Variants in ADCY2 observed in about 807,000 individuals in gnomAD.
ADCY2 encodes adenylate cyclase 2.
Under a neutral mutation model 125.2 loss-of-function variants are expected in ADCY2, and 31 were observed. The ratio of observed to expected loss-of-function variants is 0.25; its 90% CI spans 0.19 to 0.33. The LOEUF (loss-of-function observed/expected upper bound fraction) is 0.33, where lower values mean the gene tolerates loss of function less well. Ranked by LOEUF, ADCY2 falls within the 10% of genes least tolerant of loss-of-function variation. The pLI, the probability that ADCY2 is intolerant of heterozygous loss-of-function variation, is 1.00. For missense variants in ADCY2, 904 were observed against 1,418.2 expected, an observed-to-expected ratio of 0.64 and a Z score of 5.82; for synonymous variants, 512 against 548.4, an observed-to-expected ratio of 0.93 and a Z score of 0.93.
intron 14 of ADCY2, among the ~76,000 whole-genome samples, chr5:7,736,746 T>C (rs556894500): frequency 3.2e-4 from 48 of 152,302 alleles, no homozygotes; most frequent in African/African-American, 8.4e-4. Flanking sequence ...TTGAAATGCA[T>C]TTTAGGAAAC....
At position 7,737,583 on chromosome 5, in the gene ADCY2, A is replaced by T. The variant is rs568115124; in HGVS notation, c.1872-6085A>T. The stretch of plus-strand genomic sequence containing the variant: ...ATTTGACAAAGAGTCTGTGAAATGA[A>T]GTCTCTAAGAGATGGATAGAAATAT... On this transcript the variant is annotated intron_variant, in intron 14 of 24. Coordinates refer to ENST00000338316, the MANE Select transcript of ADCY2 (RefSeq NM_020546.3). Among the ~76,000 whole-genome samples, 16 of 152,338 alleles carry T rather than the reference A, an allele frequency of 1.1e-4. No homozygotes were observed. The South Asian group carries it at 3.1e-3, about 30-fold the overall frequency.
intron 2 of ADCY2, among the ~76,000 whole-genome samples, chr5:7,421,970 G>A (rs1240815405): frequency 1.3e-5 from 2 of 152,178 alleles, no homozygotes; most frequent in African/African-American, 4.8e-5. Context: ...TCACATTGCT[G>A]TGTAAATAAA....
At chr5:7,552,469 T>A (rs1467879124) in intron 3 of ADCY2, among the ~76,000 whole-genome samples, 1 of 152,192 alleles carries the variant, frequency 6.6e-6, no homozygotes, top group Non-Finnish European at 1.5e-5. Context: ...AATAAAATCA[T>A]CCACATACTG....
intron 2 of ADCY2, among the ~76,000 whole-genome samples, chr5:7,444,154 C>T (rs548491291): frequency 2.5e-3 from 368 of 146,534 alleles, no homozygotes; most frequent in African/African-American, 9.0e-3. Context: ...CGCTCTGTCT[C>T]CCCGGCTGGA....
intron 13 of ADCY2, among the ~76,000 whole-genome samples, chr5:7,726,664 C>T (rs1741943237): frequency 6.6e-6 from 1 of 152,122 alleles, no homozygotes; most frequent in South Asian, 2.1e-4. Flanking sequence ...CCTTTTCAGT[C>T]TTATAACTTT....
rs971259283 is a variant in ADCY2, at chr5:7,396,750, G to T, written c.210+244G>T. On this transcript the variant is annotated intron_variant, in intron 1 of 24. Coordinates refer to ENST00000338316, the MANE Select transcript of ADCY2 (RefSeq NM_020546.3). This position sits in a 1 kb window ranked among gnomAD's most constrained non-coding sequence, Gnocchi z 5.7. Reference sequence around the variant, plus strand: ...CTCTTCCCAAAATAAAGTTCCCGAGGTGTTCACCAGGTGGACGGGCAGGGC... The same window carrying T: ...CTCTTCCCAAAATAAAGTTCCCGAGTTGTTCACCAGGTGGACGGGCAGGGC... 3.3e-5 allele frequency among the ~76,000 whole-genome samples: 5 copies of T among 152,066 alleles called. No individual in the cohort carries two copies. Among genetic ancestry groups the T allele is most frequent in the African/African-American group, 1.2e-4 (5 of 41,420 alleles).
Position 7,804,665 on chromosome 5 carries a change from C to T in ADCY2, c.2856C>T (p.Ser952=), listed in dbSNP as rs375968791. The T allele has an allele frequency of 1.7e-5, 27 of 1,614,084 alleles. No homozygotes were observed. The highest frequency in any genetic ancestry group is 1.6e-4 in the Middle Eastern group (1 of 6,062). ...CATACATGGCAGCAACAGGTCTGAG[C>T]GCTGTGCCCAGCCAGGAGCACTCCC... ...GSTYMAATGL[S]AVPSQEHSQE... Residue 952 remains serine (S), a synonymous_variant, in exon 22 of 25, where the codon AGC becomes AGT. Coordinates refer to ENST00000338316, the MANE Select transcript of ADCY2 (RefSeq NM_020546.3).
Position 7,677,805 on chromosome 5 carries a change from G to C in ADCY2, c.721-12886G>C, listed in dbSNP as rs75820101. ...TGTTGTTCCAAACCACTAGTTTTGGGGTGATTTGTTTTGCAGCAATAGATG... is the reference window on the plus strand; with the variant it reads ...TGTTGTTCCAAACCACTAGTTTTGGCGTGATTTGTTTTGCAGCAATAGATG... On this transcript the variant is annotated intron_variant, in intron 4 of 24. Transcript: ENST00000338316. Among the ~76,000 whole-genome samples the C allele has an allele frequency of 8.7e-3, 1,328 of 152,248 alleles. 12 individuals are homozygous for C. The highest frequency in any genetic ancestry group is 0.03 in the African/African-American group (1,243 of 41,528).
intron 2 of ADCY2, among the ~76,000 whole-genome samples, chr5:7,491,645 A>C (rs748471924): frequency 6.6e-6 from 1 of 152,148 alleles, no homozygotes; most frequent in Non-Finnish European, 1.5e-5. Flanking sequence ...AACATAAGCC[A>C]TTGATATTTT....
At chr5:7,420,301 T>C (rs1261421369) in intron 2 of ADCY2, among the ~76,000 whole-genome samples, 1 of 152,056 alleles carries the variant, frequency 6.6e-6, no homozygotes, top group East Asian at 1.9e-4. Flanking sequence ...TGAGCAGAAC[T>C]GTATGAAGTT....
rs1019469455 is a variant in ADCY2, at chr5:7,525,074, C to T, written c.570+4175C>T. 6.6e-5 allele frequency among the ~76,000 whole-genome samples: 10 copies of T among 151,922 alleles called. 1 individual carries two copies. The Middle Eastern group carries it at 0.013, about 192-fold the overall frequency. ...CTGGAGTGCAGTGGTGTAATCTCGG[C>T]CTGCTGCAACCTCCACCTCCCGAGT... On this transcript the variant is annotated intron_variant, in intron 3 of 24. Transcript: ENST00000338316.
chr5:7,668,753 A>C (rs1739838762), intron 4 of ADCY2, among the ~76,000 whole-genome samples: 1 of 152,168 alleles, frequency 6.6e-6, no homozygotes, highest in African/African-American at 2.4e-5. Context: ...CTTGTCTTTC[A>C]TCTTCCAGTC....
In ADCY2 at chr5:7,802,735, A is replaced by G. The variant is rs1401530407; in HGVS notation, c.2775+371A>G. ...TATTGGTGTGTCTGTGCCTACTTCA[A>G]TGCCTTTGTCAGATATCAACTTGCA... On this transcript the variant is annotated intron_variant, in intron 21 of 24. Coordinates refer to ENST00000338316, the MANE Select transcript of ADCY2 (RefSeq NM_020546.3). The surrounding 1 kb of genome is among the most constrained non-coding windows in gnomAD (Gnocchi z 4.6). 6.6e-6 allele frequency among the ~76,000 whole-genome samples: 1 copy of G among 152,242 alleles called. No homozygotes were observed. The highest frequency in any genetic ancestry group is 2.4e-5 in the African/African-American group (1 of 41,468).
intron 14 of ADCY2, among the ~76,000 whole-genome samples, chr5:7,738,534 A>G (rs2126422183): frequency 6.6e-6 from 1 of 152,124 alleles, no homozygotes; most frequent in African/African-American, 2.4e-5. Flanking sequence ...GGGCAAATAA[A>G]CAATAGATAG....
chr5:7,406,342 G>A (rs1027659301), intron 1 of ADCY2, among the ~76,000 whole-genome samples: 1 of 152,120 alleles, frequency 6.6e-6, no homozygotes, highest in African/African-American at 2.4e-5. Context: ...TCTGTGATCT[G>A]GAGACCAGTG....
intron 1 of ADCY2, among the ~76,000 whole-genome samples, chr5:7,406,289 G>C (rs1394120751): frequency 6.6e-6 from 1 of 152,156 alleles, no homozygotes; most frequent in Non-Finnish European, 1.5e-5. Flanking sequence ...TTGTTCAAAG[G>C]GACCAATGAA....
chr5:7,816,793 G>A (rs1745125906), intron 22 of ADCY2, 73 bp from the exon 23 acceptor site: 1 of 1,252,126 alleles, frequency 8.0e-7, no homozygotes, highest in African/African-American at 1.5e-5. Context: ...TAAAGCTCAG[G>A]TTTGGGACAA....
rs1741344303 is a variant in ADCY2 at position 7,448,153 on chromosome 5, TAGGGA to T, written c.408+33384_408+33388del. Among the ~76,000 whole-genome samples the T allele has an allele frequency of 2.6e-5, 4 of 152,244 alleles. No homozygotes were observed. The South Asian group carries it at 8.3e-4, about 32-fold the overall frequency. ...CTTCTAATCCCACAAGACCCTGAGG[TAGGGA>T]TGGGGTCTTTCTGGTTATTGCTTCC... is the stretch of plus-strand genomic sequence containing the variant. On this transcript the variant is annotated intron_variant, in intron 2 of 24. Coordinates refer to ENST00000338316, the MANE Select transcript of ADCY2 (RefSeq NM_020546.3).
rs867661786 is a variant in ADCY2 at position 7,819,352 on chromosome 5, A to G, written c.2999-1213A>G. Among the ~76,000 whole-genome samples the G allele has an allele frequency of 5.3e-5, 8 of 152,198 alleles. 1 individual carries two copies. In the South Asian group the frequency reaches 6.2e-4, roughly 12 times the overall value. On this transcript the variant is annotated intron_variant, in intron 23 of 24. Transcript: ENST00000338316. Reference sequence around the variant, plus strand: ...TGACCTCTTCTATTATCAAACTTATATAGACCAAAATCATATTGCCCTGCA... The same window carrying G: ...TGACCTCTTCTATTATCAAACTTATGTAGACCAAAATCATATTGCCCTGCA...
Sources: allele counts gnomAD v4.1 joint callset (sites outside exome capture counted in the v4.1 genomes callset), GRCh38; gene constraint gnomAD v4.1.1; non-coding constraint Gnocchi (gnomAD v3.1); transcripts MANE v1.5; gene names NCBI Gene and HGNC (gene_info 2026-07-23, HGNC 2026-07-21).